The following NLGN1 variants were observed in gnomAD, a reference collection of about 807,000 sequenced individuals.
NLGN1 encodes the protein neuroligin-1.
NLGN1 carries 12 observed loss-of-function variants against 65.5 expected under a neutral mutation model. The observed-to-expected ratio is 0.18, with a 90% confidence interval of 0.12 to 0.30. The LOEUF is 0.30. Ranked by LOEUF, NLGN1 falls within the 10% of genes least tolerant of loss-of-function variation. NLGN1 has a pLI of 1.00. For synonymous variants in NLGN1, 350 were observed against 359.5 expected (o/e 0.97, Z 0.30); for missense variants, 750 against 1,007.1 (o/e 0.74, Z 3.46).
chr3:173,422,841 T>C (rs1486444043), intron 1 of NLGN1, among the ~76,000 whole-genome samples: 1 of 152,224 alleles, frequency 6.6e-6, no homozygotes, highest in East Asian at 1.9e-4. Context: ...GTTGAGGTTG[T>C]TATAGATGCA....
Position 174,279,634 on chromosome 3 carries a change from A to T in NLGN1, c.1633A>T (p.Asn545Tyr). Residue 545 changes from asparagine to tyrosine, a missense_variant, in exon 6 of 7, where the codon AAT (asparagine) becomes TAT (tyrosine). Physicochemically the swap from Asn to Tyr is moderately radical, Grantham distance 143. Transcript: ENST00000457714. The surrounding 1 kb of genome is among the most constrained non-coding windows in gnomAD (Gnocchi z 4.7). Reference sequence around the variant, plus strand: ...TGCAGTTGTAATGACATACTGGACAAATTTTGCTAAAACTGGGTATGTACC... The same window carrying T: ...TGCAGTTGTAATGACATACTGGACATATTTTGCTAAAACTGGGTATGTACC... 6.2e-7 allele frequency: 1 copy of T among 1,603,470 alleles called. No homozygotes were observed. The highest frequency in any genetic ancestry group is 8.5e-7 in the Non-Finnish European group (1 of 1,172,992).
intron 4 of NLGN1, among the ~76,000 whole-genome samples, chr3:173,896,317 A>G (rs1736348410): frequency 6.6e-6 from 1 of 152,188 alleles, no homozygotes; most frequent in Non-Finnish European, 1.5e-5. Context: ...GGACCAAATA[A>G]TTACCGTCCA....
At chr3:173,413,517 T>C (rs499101) in intron 1 of NLGN1, among the ~76,000 whole-genome samples, 34,058 of 151,948 alleles carry the variant, frequency 0.22, 4,429 homozygotes, top group Middle Eastern at 0.4. Context: ...GAAGAATCGC[T>C]TGAACCCAGG....
chr3:173,777,631 G>A (rs7624511), intron 3 of NLGN1, among the ~76,000 whole-genome samples: 1,622 of 35,930 alleles, frequency 0.045, 18 homozygotes, highest in African/African-American at 0.071. Flanking sequence ...CTGTCTGTCT[G>A]TCTATCTATC....
chr3:173,492,902 ATAT>A (rs1368474980), intron 2 of NLGN1, among the ~76,000 whole-genome samples: 1 of 151,770 alleles, frequency 6.6e-6, no homozygotes, highest in Non-Finnish European at 1.5e-5. Flanking sequence ...AACTTGGGAA[ATAT>A]TAGTATCTCC....
chr3:174,014,170 G>A (rs1284614275), intron 4 of NLGN1, among the ~76,000 whole-genome samples: 1 of 152,002 alleles, frequency 6.6e-6, no homozygotes, highest in Non-Finnish European at 1.5e-5. Flanking sequence ...AATAACCCAA[G>A]CCCCAAGCCC....
intron 2 of NLGN1, among the ~76,000 whole-genome samples, chr3:173,466,159 A>G (rs947677381): frequency 5.3e-5 from 8 of 152,132 alleles, no homozygotes; most frequent in South Asian, 2.1e-4. Flanking sequence ...TCATTGAGCA[A>G]TTGTGGTATA....
chr3:173,992,398 A>T (rs1252740479), intron 4 of NLGN1, among the ~76,000 whole-genome samples: 2 of 152,196 alleles, frequency 1.3e-5, no homozygotes, highest in Non-Finnish European at 2.9e-5. Context: ...AGATACAGAA[A>T]GAACAAATTG....
At chr3:174,035,946 C>T (rs1318763739) in intron 4 of NLGN1, among the ~76,000 whole-genome samples, 2 of 152,086 alleles carry the variant, frequency 1.3e-5, no homozygotes, top group East Asian at 1.9e-4. Flanking sequence ...CAACCTTATA[C>T]ATTCTGCATT....
At position 173,488,756 on chromosome 3, in the gene NLGN1, C is replaced by A. The variant is rs546377357; in HGVS notation, c.-321+53678C>A. ...GGTCTAAGGTTTGATCTTATTTATT[C>A]TACTTAGGATTTGTTCTGAATCTGA... On this transcript the variant is annotated intron_variant, in intron 2 of 6. Coordinates refer to ENST00000457714, the Ensembl canonical transcript of NLGN1. Among the ~76,000 whole-genome samples, 114 of 152,034 alleles carry A rather than the reference C, an allele frequency of 7.5e-4. 1 individual carries two copies. In the South Asian group the frequency reaches 0.013, roughly 17 times the overall value.
chr3:173,811,142 C>T (rs1173449911), intron 4 of NLGN1, among the ~76,000 whole-genome samples: 2 of 152,184 alleles, frequency 1.3e-5, no homozygotes, highest in African/African-American at 4.8e-5. Flanking sequence ...CATAAACTTT[C>T]CATATTTGCT....
intron 4 of NLGN1, among the ~76,000 whole-genome samples, chr3:174,164,055 G>A (rs2152724601): frequency 6.6e-6 from 1 of 152,136 alleles, no homozygotes; most frequent in East Asian, 1.9e-4. Flanking sequence ...CACCAACAGT[G>A]TACAAGTATT....
At chr3:174,108,611 G>A (rs76284162) in intron 4 of NLGN1, among the ~76,000 whole-genome samples, 7,550 of 152,112 alleles carry the variant, frequency 0.05, 359 homozygotes, top group Admixed American at 0.14. Context: ...ATTGACAAGT[G>A]GAGATTTATA....
intron 3 of NLGN1, among the ~76,000 whole-genome samples, chr3:173,702,030 G>C (rs1490363244): frequency 1.3e-5 from 2 of 152,048 alleles, no homozygotes; most frequent in African/African-American, 2.4e-5. Context: ...ACGAGGTCAG[G>C]AGATCGAGAC....
chr3:173,862,855 C>T (rs912430015), intron 4 of NLGN1, among the ~76,000 whole-genome samples: 20 of 152,210 alleles, frequency 1.3e-4, no homozygotes, highest in African/African-American at 4.8e-4. Flanking sequence ...TAAGAAGCTA[C>T]GTGGGTACAG....
At chr3:174,032,854 C>G (rs751556463) in intron 4 of NLGN1, among the ~76,000 whole-genome samples, 3 of 152,086 alleles carry the variant, frequency 2.0e-5, no homozygotes, top group African/African-American at 4.8e-5. Context: ...GCCAGGCTAG[C>G]TTTCCCTAGC....
chr3:173,910,742 G>A (rs1029957603), intron 4 of NLGN1: 1 of 152,140 alleles, frequency 6.6e-6, no homozygotes, highest in African/African-American at 2.4e-5. Context: ...TAATAATGTA[G>A]CATAAAAATC....
chr3:174,288,460 TA>T (rs1308321523), downstream of NLGN1, among the ~76,000 whole-genome samples: 1 of 151,566 alleles, frequency 6.6e-6, no homozygotes, highest in Non-Finnish European at 1.5e-5. Flanking sequence ...CATTTTGGAC[TA>T]TTTGGGATGT....
intron 2 of NLGN1, among the ~76,000 whole-genome samples, chr3:173,569,932 C>T (rs1012248474): frequency 2.0e-5 from 3 of 152,172 alleles, no homozygotes; most frequent in Admixed American, 6.5e-5. Context: ...TCTTCTTCTA[C>T]AAATTCTGAT....
Sources: allele counts gnomAD v4.1 joint callset (sites outside exome capture counted in the v4.1 genomes callset), GRCh38; gene constraint gnomAD v4.1.1; non-coding constraint Gnocchi (gnomAD v3.1); transcripts MANE v1.5; gene names NCBI Gene and HGNC (gene_info 2026-07-23, HGNC 2026-07-21).